MED13L: variants seen among roughly 807,000 people sequenced by gnomAD.
The protein encoded by MED13L is mediator of RNA polymerase II transcription subunit 13-like.
MED13L carries 7 observed loss-of-function variants against 220.9 expected under a neutral mutation model. The ratio of observed to expected loss-of-function variants is 0.03; its 90% CI spans 0.02 to 0.06. The LOEUF (loss-of-function observed/expected upper bound fraction) is 0.06, where lower values mean the gene tolerates loss of function less well. Ranked by LOEUF, MED13L falls within the 10% of genes least tolerant of loss-of-function variation. The pLI is 1.00. For synonymous variants in MED13L, 1,011 were observed against 1,015.2 expected, an observed-to-expected ratio of 1.00 and a Z score of 0.08; for missense variants, 1,965 against 2,760.5, an observed-to-expected ratio of 0.71 and a Z score of 6.46.
intron 2 of MED13L, among the ~76,000 whole-genome samples, chr12:116,155,608 C>G (rs1593109035): frequency 6.6e-6 from 1 of 152,080 alleles, no homozygotes; most frequent in African/African-American, 2.4e-5. Context: ...ACCTTTTGAT[C>G]CAAGCCTATT....
intron 13 of MED13L, 139 bp downstream of exon 13, chr12:116,005,730 G>T: frequency 8.9e-7 from 1 of 1,128,574 alleles, no homozygotes. Flanking sequence ...CCAGTATACA[G>T]ACATTTATAA....
rs778691635 is a variant in MED13L, at chr12:116,019,940, G to C, written c.658C>G (p.Leu220Val). 5 of 1,613,568 alleles carry C rather than the reference G, an allele frequency of 3.1e-6. No individual in the cohort carries two copies. Among genetic ancestry groups the C allele is most frequent in the Non-Finnish European group, 4.2e-6 (5 of 1,179,872 alleles). The change falls in exon 6 of 31, where the codon CTA (leucine) becomes GTA (valine). Residue 220 changes from leucine to valine, a missense_variant. Physicochemically the swap from Leu to Val is conservative, Grantham distance 32. This residue lies in a region of MED13L where 818 missense variants were observed against 1,041.2 expected (regional missense o/e 0.79). Coordinates refer to ENST00000281928, the MANE Select transcript of MED13L (RefSeq NM_015335.5). ...GACATCTTGTATGCTTGGCCTGTTA[G>C]CGTCCCATTTAAGCCATAAGGACTT... ...LVSPYGLNGT[L>V]TGQAYKMSDP... is the part of the protein sequence containing the mutation.
intron 2 of MED13L, among the ~76,000 whole-genome samples, chr12:116,227,601 G>A (rs1267021116): frequency 6.6e-6 from 1 of 152,000 alleles, no homozygotes; most frequent in Non-Finnish European, 1.5e-5. Context: ...TTGTTCAGGG[G>A]CACCACAAAC....
chr12:116,111,210 G>A (rs571976537), intron 3 of MED13L, among the ~76,000 whole-genome samples: 17 of 152,082 alleles, frequency 1.1e-4, no homozygotes, highest in African/African-American at 2.7e-4. Context: ...AAAAACTACC[G>A]TTGAAGGGCA....
chr12:116,225,780 C>T (rs1036375039), intron 2 of MED13L, among the ~76,000 whole-genome samples: 13 of 152,186 alleles, frequency 8.5e-5, no homozygotes, highest in African/African-American at 3.1e-4. Context: ...TAGGTTCACA[C>T]TTCCCTTATT....
rs1194277584 is a variant in MED13L, at chr12:116,251,395, C to T, written c.73-13690G>A. On this transcript the variant is annotated intron_variant, in intron 1 of 30. Transcript: ENST00000281928. Reference sequence around the variant, plus strand: ...CACGATGGTCTCGATCTCCTGACCTCGTGATCCACCCGCCTCGGTCTCCCA... The same window carrying T: ...CACGATGGTCTCGATCTCCTGACCTTGTGATCCACCCGCCTCGGTCTCCCA... Among the ~76,000 whole-genome samples, 24 of 133,558 alleles carry T rather than the reference C, an allele frequency of 1.8e-4. 1 individual carries two copies. Among genetic ancestry groups the T allele is most frequent in the Non-Finnish European group, 3.1e-5 (2 of 64,356 alleles). The allele number at this position is 133,558 out of a possible 152,430, so 87.6% of individuals were successfully genotyped here. A position where few individuals can be genotyped will look rare whatever the true frequency, so the allele number is the denominator to read the frequency against.
intron 3 of MED13L, among the ~76,000 whole-genome samples, chr12:116,097,404 C>T (rs1872712863): frequency 6.6e-6 from 1 of 152,178 alleles, no homozygotes; most frequent in Non-Finnish European, 1.5e-5. Flanking sequence ...CCTCAGCCTC[C>T]CAAAGTGCTG....
At chr12:116,167,789 A>G (rs1422786836) in intron 2 of MED13L, among the ~76,000 whole-genome samples, 1 of 152,176 alleles carries the variant, frequency 6.6e-6, no homozygotes, top group African/African-American at 2.4e-5. Context: ...TTAATTGCTA[A>G]CATTTCCTTT....
At chr12:115,966,349 G>T in intron 28 of MED13L, 106 bp from the exon 29 acceptor site, 1 of 1,295,670 alleles carries the variant, frequency 7.7e-7, no homozygotes, top group Non-Finnish European at 1.1e-6. Context: ...TCCCCTTTGT[G>T]GCAGCATCTC....
intron 1 of MED13L, among the ~76,000 whole-genome samples, chr12:116,252,424 A>G (rs2138523485): frequency 6.6e-6 from 1 of 152,186 alleles, no homozygotes; most frequent in South Asian, 2.1e-4. Flanking sequence ...CTGTGGTCCC[A>G]GGTACTCAGG....
intron 1 of MED13L, 122 bp downstream of exon 1, chr12:116,276,938 G>T: frequency 8.8e-7 from 1 of 1,131,724 alleles, no homozygotes; most frequent in Non-Finnish European, 1.3e-6. Flanking sequence ...GAGGCGAACG[G>T]CGGGGAGACG....
chr12:116,198,546 G>A lies in MED13L; in HGVS notation c.310+38922C>T, dbSNP rs1881797093. ...AGAAGTTTAGATGTGCCTCTTCACTGAGACTTCTCTGACAACTCCACTCAT... is the reference window on the plus strand; with the variant it reads ...AGAAGTTTAGATGTGCCTCTTCACTAAGACTTCTCTGACAACTCCACTCAT... On this transcript the variant is annotated intron_variant, in intron 2 of 30. Coordinates refer to ENST00000281928, the MANE Select transcript of MED13L (RefSeq NM_015335.5). Among the ~76,000 whole-genome samples, 5 of 152,116 alleles carry A rather than the reference G, an allele frequency of 3.3e-5. 1 individual carries two copies. In the South Asian group the frequency reaches 8.3e-4, roughly 25 times the overall value.
In MED13L at chr12:115,961,255, T is replaced by C. The variant is rs199672295; in HGVS notation, c.*11A>G. Reference sequence around the variant, plus strand: ...AAGGAACTGAGCCAGAGAGAACAAGTGCTTTTCCAATTAAAGTATATTCAT... The same window carrying C: ...AAGGAACTGAGCCAGAGAGAACAAGCGCTTTTCCAATTAAAGTATATTCAT... On this transcript the variant is annotated 3_prime_UTR_variant, in exon 31 of 31. Transcript: ENST00000281928. The C allele has an allele frequency of 6.1e-5, 99 of 1,614,136 alleles. No homozygotes were observed. In the African/African-American group the frequency reaches 1.1e-3, roughly 18 times the overall value.
intron 5 of MED13L, among the ~76,000 whole-genome samples, chr12:116,020,470 T>C (rs1175954573): frequency 2.6e-5 from 4 of 152,176 alleles, no homozygotes; most frequent in Admixed American, 6.5e-5. Flanking sequence ...ACTCTTGTGG[T>C]TCCTGAGACT....
chr12:116,148,111 C>T (rs1877710393), intron 2 of MED13L, among the ~76,000 whole-genome samples: 2 of 141,306 alleles, frequency 1.4e-5, no homozygotes, highest in Non-Finnish European at 3.1e-5. Flanking sequence ...GGGGTTCAAG[C>T]AGCTAGGACT....
chr12:116,085,750 TCACTCACACACA>T (rs1412675256), intron 4 of MED13L, among the ~76,000 whole-genome samples: 1 of 100,060 alleles, frequency 1.0e-5, no homozygotes, highest in Non-Finnish European at 2.0e-5. Flanking sequence ...AAGATTAAAA[TCACTCACACACA>T]CACACACACA....
chr12:115,961,068 T>G lies in MED13L; in HGVS notation c.*198A>C. ...CCACTTATGGAAGTTTCCAGGTCCA[T>G]GAGAGAAGTGTCAAGGAGTCACTCT... On this transcript the variant is annotated 3_prime_UTR_variant, in exon 31 of 31. Coordinates refer to ENST00000281928, the MANE Select transcript of MED13L (RefSeq NM_015335.5). 75 of 721,386 alleles carry G rather than the reference T, an allele frequency of 1.0e-4. No homozygotes were observed. Among genetic ancestry groups the G allele is most frequent in the East Asian group, 1.8e-4 (6 of 33,920 alleles). 44.7% of individuals were successfully genotyped at this position (721,386 alleles called of 1,614,324 possible).
rs548245681 is a variant in MED13L at position 116,185,106 on chromosome 12, A to T, written c.310+52362T>A. Among the ~76,000 whole-genome samples the T allele has an allele frequency of 2.0e-5, 3 of 152,296 alleles. No homozygotes were observed. In the South Asian group the frequency reaches 6.2e-4, roughly 32 times the overall value. ...GATGTACACCAAGAAATTTTAACAA[A>T]CATCTTTATTCTCAAAGCGCCTCAT... On this transcript the variant is annotated intron_variant, in intron 2 of 30. Coordinates refer to ENST00000281928, the MANE Select transcript of MED13L (RefSeq NM_015335.5).
chr12:116,001,120 G>C (rs1019441633), intron 14 of MED13L, among the ~76,000 whole-genome samples: 4 of 152,114 alleles, frequency 2.6e-5, no homozygotes, highest in African/African-American at 9.7e-5. Flanking sequence ...ACTAGAAAAT[G>C]TGAAATTGCA....
Sources: gnomAD v4.1 joint callset for allele counts (sites outside exome capture counted in the v4.1 genomes callset) on GRCh38, gnomAD v4.1.1 for gene constraint, gnomAD v4.1.1 regional missense constraint, MANE v1.5 for transcripts, NCBI Gene and HGNC (gene_info 2026-07-23, HGNC 2026-07-21) for gene names.